The following ADAMTS6 variants were observed in gnomAD, a reference collection of about 807,000 sequenced individuals.
The protein encoded by ADAMTS6 is ADAM metallopeptidase with thrombospondin type 1 motif 6.
A neutral mutation model predicts 144.3 loss-of-function variants in ADAMTS6; 23 were observed. That is an observed-to-expected ratio of 0.16 (90% CI 0.11 to 0.23). The LOEUF is 0.23. Among genes scored for constraint, ADAMTS6 ranks in the 10% least tolerant of loss-of-function variants. ADAMTS6 has a pLI of 1.00. For missense variants in ADAMTS6, 999 were observed against 1,379.6 expected (o/e 0.72, Z 4.37); for synonymous variants, 444 against 457.5 (o/e 0.97, Z 0.38).
At chr5:65,386,354 A>G (rs1411416016) in intron 7 of ADAMTS6, among the ~76,000 whole-genome samples, 1 of 152,180 alleles carries the variant, frequency 6.6e-6, no homozygotes, top group East Asian at 1.9e-4. Flanking sequence ...TTTTATCTAT[A>G]ATAAATAGTA....
chr5:65,223,220 A>G (rs60924651), intron 18 of ADAMTS6, among the ~76,000 whole-genome samples: 19,744 of 151,666 alleles, frequency 0.13, 1,347 homozygotes, highest in Non-Finnish European at 0.15. Flanking sequence ...ACTCACAAAT[A>G]AAATATTAAG....
chr5:65,426,612 G>C (rs1374967379), intron 7 of ADAMTS6, among the ~76,000 whole-genome samples: 3 of 152,000 alleles, frequency 2.0e-5, no homozygotes, highest in Non-Finnish European at 2.9e-5. Flanking sequence ...AAAATTTAGT[G>C]GAGTTAAGTG....
intron 7 of ADAMTS6, among the ~76,000 whole-genome samples, chr5:65,351,709 G>A (rs932679576): frequency 6.6e-6 from 1 of 152,046 alleles, no homozygotes; most frequent in Admixed American, 6.6e-5. Flanking sequence ...TTGAGGCCAG[G>A]AATTTGAAGC....
At chr5:65,301,913 A>G (rs1743422074) in intron 9 of ADAMTS6, among the ~76,000 whole-genome samples, 1 of 151,338 alleles carries the variant, frequency 6.6e-6, no homozygotes, top group Admixed American at 6.6e-5. Flanking sequence ...ACATGGTGAA[A>G]CCCTGTCTCT....
intron 15 of ADAMTS6, among the ~76,000 whole-genome samples, chr5:65,241,227 C>CTTTT (rs58991614): frequency 6.9e-5 from 8 of 116,284 alleles, no homozygotes; most frequent in African/African-American, 1.1e-4. Context: ...AGTATATTTC[C>CTTTT]TTTTTTTTTT....
chr5:65,392,400 A>T (rs952346331), intron 7 of ADAMTS6, among the ~76,000 whole-genome samples: 1 of 152,190 alleles, frequency 6.6e-6, no homozygotes, highest in Non-Finnish European at 1.5e-5. Flanking sequence ...TTTCAACTCC[A>T]GGTCTCTCTA....
At chr5:65,374,176 G>A (rs1751273087) in intron 7 of ADAMTS6, among the ~76,000 whole-genome samples, 1 of 152,138 alleles carries the variant, frequency 6.6e-6, no homozygotes, top group Admixed American at 6.5e-5. Flanking sequence ...AAAACTGGAA[G>A]CATTCCCTTA....
chr5:65,307,652 T>C (rs557141986), intron 9 of ADAMTS6, among the ~76,000 whole-genome samples: 4 of 152,288 alleles, frequency 2.6e-5, no homozygotes, highest in African/African-American at 9.6e-5. Context: ...ATTTCATTCA[T>C]TGTTAGAGAG....
chr5:65,473,491 C>T, intron 2 of ADAMTS6, 86 bp downstream of exon 2: 2 of 1,189,164 alleles, frequency 1.7e-6, no homozygotes, highest in Non-Finnish European at 2.5e-6. Context: ...CCAAAAAAAA[C>T]TATCCACCCA....
In ADAMTS6 at chr5:65,459,413, T is replaced by C. The variant is rs573409545; in HGVS notation, c.631+757A>G. 3.3e-5 allele frequency among the ~76,000 whole-genome samples: 5 copies of C among 152,288 alleles called. No individual in the cohort carries two copies. In the East Asian group the frequency reaches 9.6e-4, roughly 29 times the overall value. ...TCATGATGTGGCCTCTGCTAATCTT[T>C]CCAGTTTCATCTCTCACAACCACTT... On this transcript the variant is annotated intron_variant, in intron 4 of 24. Coordinates refer to ENST00000381055, the MANE Select transcript of ADAMTS6 (RefSeq NM_197941.4).
chr5:65,370,260 T>G (rs1750727840), intron 7 of ADAMTS6, among the ~76,000 whole-genome samples: 1 of 151,834 alleles, frequency 6.6e-6, no homozygotes, highest in Middle Eastern at 3.4e-3. Context: ...ATACAATAAT[T>G]AGGGGGAGGA....
intron 7 of ADAMTS6, among the ~76,000 whole-genome samples, chr5:65,396,963 C>A (rs1408669604): frequency 6.6e-6 from 1 of 152,126 alleles, no homozygotes; most frequent in Non-Finnish European, 1.5e-5. Flanking sequence ...ACTATCTGGG[C>A]CTAGTGCTTT....
At chr5:65,470,436 T>C (rs1282371647) in intron 3 of ADAMTS6, among the ~76,000 whole-genome samples, 1 of 152,152 alleles carries the variant, frequency 6.6e-6, no homozygotes, top group African/African-American at 2.4e-5. Flanking sequence ...CACATATACA[T>C]ACAAACATAC....
In ADAMTS6 at chr5:65,439,744, A is replaced by G. The variant is rs538668687; in HGVS notation, c.1073+11731T>C. 1.3e-4 allele frequency among the ~76,000 whole-genome samples: 20 copies of G among 152,330 alleles called. 1 individual carries two copies. The Middle Eastern group carries it at 0.01, about 78-fold the overall frequency. On this transcript the variant is annotated intron_variant, in intron 7 of 24. Transcript: ENST00000381055. ...ACTGAAGATTAAATAATAGTACTGT[A>G]TCAACACTACATATCTTGATTTTGA...
At chr5:65,405,939 T>C (rs1421524291) in intron 7 of ADAMTS6, among the ~76,000 whole-genome samples, 1 of 152,208 alleles carries the variant, frequency 6.6e-6, no homozygotes, top group African/African-American at 2.4e-5. Context: ...ATGATTTGGC[T>C]CTGTGTTAGT....
intron 15 of ADAMTS6, among the ~76,000 whole-genome samples, chr5:65,235,959 T>A (rs1423913820): frequency 6.6e-6 from 1 of 152,226 alleles, no homozygotes; most frequent in Non-Finnish European, 1.5e-5. Flanking sequence ...ATGGCAATTA[T>A]TAAGTCTGTA....
chr5:65,267,787 G>A (rs995678869), intron 12 of ADAMTS6, among the ~76,000 whole-genome samples: 1 of 152,114 alleles, frequency 6.6e-6, no homozygotes, highest in Non-Finnish European at 1.5e-5. Flanking sequence ...TGGAATAAGA[G>A]ACCTCTAAGG....
At chr5:65,182,403 C>T (rs1419833248) in intron 22 of ADAMTS6, among the ~76,000 whole-genome samples, 2 of 142,624 alleles carry the variant, frequency 1.4e-5, no homozygotes, top group Non-Finnish European at 3.0e-5. Flanking sequence ...GAGACCGTGC[C>T]ACTACACTCC....
rs1352401978 is a variant in ADAMTS6, at chr5:65,149,357, A to G, written c.*2479T>C. On this transcript the variant is annotated 3_prime_UTR_variant, in exon 25 of 25. Transcript: ENST00000381055. The stretch of plus-strand genomic sequence containing the variant: ...GTATTGTGATGTGCTATGAAATAGA[A>G]TTGTTTTAACCTACTCAGGTTTCAA... The G allele has an allele frequency of 1.3e-5, 2 of 152,238 alleles. No individual in the cohort carries two copies. The highest frequency in any genetic ancestry group is 2.9e-5 in the Non-Finnish European group (2 of 68,044). The allele number at this position is 152,238 out of a possible 1,614,324, so 9.4% of individuals were successfully genotyped here.
Sources: gnomAD v4.1 joint callset for allele counts (sites outside exome capture counted in the v4.1 genomes callset) on GRCh38, gnomAD v4.1.1 for gene constraint, MANE v1.5 for transcripts, NCBI Gene and HGNC (gene_info 2026-07-23, HGNC 2026-07-21) for gene names.